Variants in ADAMTS7 observed in about 807,000 individuals in gnomAD.
ADAMTS7 encodes the protein ADAM metallopeptidase with thrombospondin type 1 motif 7, also known as A disintegrin and metalloproteinase with thrombospondin motifs 7.
ADAMTS7 carries 89 observed loss-of-function variants against 172.6 expected under a neutral mutation model. The ratio of observed to expected loss-of-function variants is 0.52; its 90% CI spans 0.43 to 0.61. The LOEUF (loss-of-function observed/expected upper bound fraction) is 0.61, where lower values mean the gene tolerates loss of function less well. Ranked by LOEUF, ADAMTS7 falls within the 20% of genes least tolerant of loss-of-function variation. ADAMTS7 has a pLI of 0.00. For synonymous variants in ADAMTS7, 885 were observed against 978.4 expected (o/e 0.90, Z 1.78); for missense variants, 1,973 against 2,355.6 (o/e 0.84, Z 3.36).
At chr15:78,803,835 T>C (rs1160046471) in intron 1 of ADAMTS7, among the ~76,000 whole-genome samples, 1 of 152,248 alleles carries the variant, frequency 6.6e-6, no homozygotes, top group African/African-American at 2.4e-5. Context: ...GAAAAATATT[T>C]GGTTTGCTGT....
chr15:78,810,256 G>A (rs1407595390), intron 1 of ADAMTS7, among the ~76,000 whole-genome samples: 1 of 152,178 alleles, frequency 6.6e-6, no homozygotes, highest in Non-Finnish European at 1.5e-5. Flanking sequence ...CTCCTACAAA[G>A]CCTGCCGGTC....
chr15:78,800,507 G>A lies in ADAMTS7; in HGVS notation c.141C>T (p.His47=). 6.2e-7 allele frequency: 1 copy of A among 1,607,296 alleles called. No individual in the cohort carries two copies. The highest frequency in any genetic ancestry group is 8.5e-7 in the Non-Finnish European group (1 of 1,177,516). Residue 47 remains histidine (H), a synonymous_variant, in exon 2 of 24, where the codon CAC becomes CAT. Coordinates refer to ENST00000388820, the MANE Select transcript of ADAMTS7 (RefSeq NM_014272.5). ...TEGRAALDIV[H]PVRVDAGGSF... ...AGCCCCCCGCGTCGACTCGAACCGGGTGCACGATGTCCAGTGCCGCCCGGC... is the reference window on the plus strand; with the variant it reads ...AGCCCCCCGCGTCGACTCGAACCGGATGCACGATGTCCAGTGCCGCCCGGC...
chr15:78,809,055 T>A lies in ADAMTS7; in HGVS notation c.100+2066A>T, dbSNP rs781492549. Among the ~76,000 whole-genome samples, 20 of 151,572 alleles carry A rather than the reference T, an allele frequency of 1.3e-4. 1 individual carries two copies. Among genetic ancestry groups the A allele is most frequent in the Non-Finnish European group, 1.2e-4 (8 of 67,926 alleles). On this transcript the variant is annotated intron_variant, in intron 1 of 23. Coordinates refer to ENST00000388820, the MANE Select transcript of ADAMTS7 (RefSeq NM_014272.5). The stretch of plus-strand genomic sequence containing the variant: ...CAAGGAGGAAAAATAACTGGCAGGG[T>A]GGGGGGTAGTATGTGAATGCCCTCC...
intron 16 of ADAMTS7, among the ~76,000 whole-genome samples, chr15:78,768,901 T>C (rs2055203446): frequency 6.6e-6 from 1 of 152,158 alleles, no homozygotes; most frequent in Admixed American, 6.5e-5. Context: ...GAAAGCCCGA[T>C]TCCCTCTGCT....
intron 1 of ADAMTS7, chr15:78,810,517 C>T (rs1289236853): frequency 6.6e-6 from 1 of 152,382 alleles, no homozygotes. Context: ...AGCTCCTGCT[C>T]CCCGCTCCAC....
chr15:78,796,000 G>T (rs1262480070), intron 4 of ADAMTS7, among the ~76,000 whole-genome samples: 6 of 152,132 alleles, frequency 3.9e-5, no homozygotes, highest in African/African-American at 1.4e-4. Context: ...TCCATCATGT[G>T]GGGTCAAGAG....
intron 14 of ADAMTS7, among the ~76,000 whole-genome samples, chr15:78,772,059 C>T (rs1323114590): frequency 6.6e-6 from 1 of 152,226 alleles, no homozygotes; most frequent in East Asian, 1.9e-4. Context: ...GGGACCTACA[C>T]TGGTCTCATC....
At chr15:78,770,176 AAAATAAAAT>A (rs1567211192) in intron 16 of ADAMTS7, among the ~76,000 whole-genome samples, 1 of 146,282 alleles carries the variant, frequency 6.8e-6, no homozygotes, top group Non-Finnish European at 1.5e-5. Flanking sequence ...CAAATAAAAT[AAAATAAAAT>A]AAATAAAATA....
chr15:78,783,032 G>GCCC (rs2141499449), intron 8 of ADAMTS7, among the ~76,000 whole-genome samples: 1 of 152,300 alleles, frequency 6.6e-6, no homozygotes, highest in African/African-American at 2.4e-5. Flanking sequence ...AACACGCCAA[G>GCCC]CTGGAATGCT....
Position 78,774,290 on chromosome 15 carries a change from G to A in ADAMTS7, c.1887C>T (p.Cys629=), listed in dbSNP as rs548919757. 113 of 1,571,906 alleles carry A rather than the reference G, an allele frequency of 7.2e-5. No homozygotes were observed. The highest frequency in any genetic ancestry group is 3.0e-4 in the South Asian group (26 of 86,808). Residue 629 remains cysteine (C), a synonymous_variant, in exon 13 of 24, where the codon TGC becomes TGT. Coordinates refer to ENST00000388820, the MANE Select transcript of ADAMTS7 (RefSeq NM_014272.5). ...CATTCGCGGGCCGGCAGTGCAGCTC[G>A]CAGGGGTTCACTGAGGGCCCAAGTA... ...WVPVVNDVNP[C]ELHCRPANEY...
Position 78,811,345 on chromosome 15 carries a change from G to T in ADAMTS7, c.-125C>A. 8.7e-7 allele frequency: 1 copy of T among 1,144,084 alleles called. No homozygotes were observed. The highest frequency in any genetic ancestry group is 1.1e-6 in the Non-Finnish European group (1 of 913,314). The allele number at this position is 1,144,084 out of a possible 1,614,324, so 70.9% of individuals were successfully genotyped here. On this transcript the variant is annotated 5_prime_UTR_variant, in exon 1 of 24. Transcript: ENST00000388820. ...CCGGCGTGCAGCTCCCGGCGACCCG[G>T]CCCCGACTCCGTTCGGCTGCGCTCG... is the stretch of plus-strand genomic sequence containing the variant.
chr15:78,807,575 T>C (rs1039109430), intron 1 of ADAMTS7, among the ~76,000 whole-genome samples: 7 of 152,200 alleles, frequency 4.6e-5, no homozygotes, highest in Admixed American at 6.5e-5. Context: ...TGTGAGACCA[T>C]GGGTAAATTA....
At chr15:78,761,125 C>G (rs570585327) in intron 23 of ADAMTS7, among the ~76,000 whole-genome samples, 1 of 152,374 alleles carries the variant, frequency 6.6e-6, no homozygotes, top group African/African-American at 2.4e-5. Flanking sequence ...GGGGGCGCTG[C>G]CACTGGGCCT....
Position 78,811,232 on chromosome 15 carries a change from G to T in ADAMTS7, c.-12C>A. ...GGGCCGCCGGGCATGGCAGGAACCGGGCGGCCGCCGGGTGACCCCGCGCGC... is the reference window on the plus strand; with the variant it reads ...GGGCCGCCGGGCATGGCAGGAACCGTGCGGCCGCCGGGTGACCCCGCGCGC... On this transcript the variant is annotated 5_prime_UTR_variant, in exon 1 of 24. Transcript: ENST00000388820. 8.2e-7 allele frequency: 1 copy of T among 1,226,062 alleles called. No homozygotes were observed. The highest frequency in any genetic ancestry group is 1.0e-6 in the Non-Finnish European group (1 of 984,268). 75.9% of individuals were successfully genotyped at this position (1,226,062 alleles called of 1,614,324 possible).
At chr15:78,782,048 T>C (rs547560012) in intron 8 of ADAMTS7, among the ~76,000 whole-genome samples, 8 of 152,120 alleles carry the variant, frequency 5.3e-5, no homozygotes, top group African/African-American at 9.6e-5. Flanking sequence ...CTTTTTTTTT[T>C]CCCAAGATGG....
intron 4 of ADAMTS7, among the ~76,000 whole-genome samples, chr15:78,792,674 A>G (rs924452609): frequency 6.6e-6 from 1 of 152,152 alleles, no homozygotes; most frequent in African/African-American, 2.4e-5. Flanking sequence ...TTAGCTCGGC[A>G]TAGTGGTGCA....
chr15:78,794,362 C>T (rs535326928), intron 4 of ADAMTS7, among the ~76,000 whole-genome samples: 1 of 152,242 alleles, frequency 6.6e-6, no homozygotes, highest in Non-Finnish European at 1.5e-5. Flanking sequence ...GGGCCTTAGG[C>T]CGTGGCTCCA....
At chr15:78,775,464 G>A (rs567368809) in intron 11 of ADAMTS7, among the ~76,000 whole-genome samples, 1 of 152,052 alleles carries the variant, frequency 6.6e-6, no homozygotes, top group African/African-American at 2.4e-5. Context: ...GCCCCGGGTG[G>A]CCTCCTGAAG....
At chr15:78,759,991 C>T (rs1418977052) in intron 23 of ADAMTS7, among the ~76,000 whole-genome samples, 2 of 151,086 alleles carry the variant, frequency 1.3e-5, no homozygotes, top group East Asian at 1.9e-4. Flanking sequence ...CCTCTGCCCC[C>T]GACTCCCGCC....
Sources: gnomAD v4.1 joint callset for allele counts (sites outside exome capture counted in the v4.1 genomes callset) on GRCh38, gnomAD v4.1.1 for gene constraint, MANE v1.5 for transcripts, NCBI Gene and HGNC (gene_info 2026-07-23, HGNC 2026-07-21) for gene names.